PSME4: variants seen among roughly 807,000 people sequenced by gnomAD.
The protein encoded by PSME4 is proteasome activator subunit 4.
A neutral mutation model predicts 253.9 loss-of-function variants in PSME4; 89 were observed. The ratio of observed to expected loss-of-function variants is 0.35; its 90% CI spans 0.30 to 0.42. The LOEUF is 0.42. Ranked by LOEUF, PSME4 falls within the 10% of genes least tolerant of loss-of-function variation. The pLI, the probability that PSME4 is intolerant of heterozygous loss-of-function variation, is 1.00. For missense variants in PSME4, 2,014 were observed against 2,195.2 expected, an observed-to-expected ratio of 0.92 and a Z score of 1.65; for synonymous variants, 851 against 759.2, an observed-to-expected ratio of 1.12 and a Z score of -1.99.
rs139790391 is a variant in PSME4 at position 53,898,057 on chromosome 2, A to G, written c.3477-58T>C. 9.6e-5 allele frequency: 148 copies of G among 1,546,948 alleles called. 1 individual carries two copies. Among genetic ancestry groups the G allele is most frequent in the Middle Eastern group, 5.2e-4 (3 of 5,804 alleles). ...CACATAAAACCACTTGGAAAAAAAA[A>G]ACTGTATGTGAAACACCTTATAATT... On this transcript the variant is annotated intron_variant, in intron 30 of 46. Transcript: ENST00000404125.
At chr2:53,969,659 C>A (rs958768916) in intron 1 of PSME4, among the ~76,000 whole-genome samples, 3 of 126,978 alleles carry the variant, frequency 2.4e-5, no homozygotes, top group African/African-American at 9.6e-5. Context: ...GTAAATGTAA[C>A]CTTTTTTCCC....
At chr2:53,948,944 C>A (rs1282474244) in intron 2 of PSME4, among the ~76,000 whole-genome samples, 199 bp downstream of exon 2, 1 of 152,100 alleles carries the variant, frequency 6.6e-6, no homozygotes, top group Non-Finnish European at 1.5e-5. Context: ...AGAGAAGAGA[C>A]CATGTCATGG....
chr2:53,926,040 T>A lies in PSME4; in HGVS notation c.1594-17A>T. The A allele has an allele frequency of 6.3e-7, 1 of 1,598,148 alleles. No homozygotes were observed. Among genetic ancestry groups the A allele is most frequent in the Non-Finnish European group, 8.6e-7 (1 of 1,166,208 alleles). On this transcript the variant is annotated splice_polypyrimidine_tract_variant and intron_variant, in intron 12 of 46. Coordinates refer to ENST00000404125, the MANE Select transcript of PSME4 (RefSeq NM_014614.3). ...TCGTTCCACCTATAATATCCCAATATGGAGAAAGATTACATATAGCCTTTG... is the reference window on the plus strand; with the variant it reads ...TCGTTCCACCTATAATATCCCAATAAGGAGAAAGATTACATATAGCCTTTG...
In PSME4 at chr2:53,926,033, C is replaced by T. The variant is rs905765799; in HGVS notation, c.1594-10G>A. 2.5e-6 allele frequency: 4 copies of T among 1,605,580 alleles called. No homozygotes were observed. In the African/African-American group the frequency reaches 4.0e-5, roughly 16 times the overall value. On this transcript the variant is annotated splice_polypyrimidine_tract_variant and intron_variant, in intron 12 of 46. Transcript: ENST00000404125. ...AAAGTTCTCGTTCCACCTATAATAT[C>T]CCAATATGGAGAAAGATTACATATA... is the stretch of plus-strand genomic sequence containing the variant.
At chr2:53,966,341 C>A (rs545437315) in intron 1 of PSME4, among the ~76,000 whole-genome samples, 16 of 151,964 alleles carry the variant, frequency 1.1e-4, no homozygotes, top group Non-Finnish European at 2.4e-4. Flanking sequence ...GTTTGAAAAA[C>A]CACTAATAAT....
chr2:53,892,771 T>C (rs1679969117), intron 36 of PSME4, 37 bp downstream of exon 36: 19 of 1,571,608 alleles, frequency 1.2e-5, no homozygotes, highest in Non-Finnish European at 1.6e-5. Flanking sequence ...AACATAGCTT[T>C]AACAGGAAAT....
chr2:53,890,943 C>T (rs990144267), intron 36 of PSME4, among the ~76,000 whole-genome samples: 3 of 152,150 alleles, frequency 2.0e-5, no homozygotes, highest in African/African-American at 7.2e-5. Flanking sequence ...AGGAGAATTG[C>T]TTGAACCTGG....
intron 31 of PSME4, among the ~76,000 whole-genome samples, chr2:53,897,171 T>TG (rs1281884740): frequency 1.3e-5 from 2 of 150,408 alleles, no homozygotes; most frequent in East Asian, 1.9e-4. Flanking sequence ...CTCAGGGTTT[T>TG]TTTTTTTTTT....
At position 53,932,765 on chromosome 2, in the gene PSME4, C is replaced by T. The variant is rs369820641; in HGVS notation, c.958-5G>A. 38 of 1,609,522 alleles carry T rather than the reference C, an allele frequency of 2.4e-5. No individual in the cohort carries two copies. In the African/African-American group the frequency reaches 2.4e-4, roughly 10 times the overall value. The stretch of plus-strand genomic sequence containing the variant: ...CACTAGCTTACTTGGTCCACCCTGT[C>T]CAGATAAAAGAGTAAAAATGTCAGT... On this transcript the variant is annotated splice_polypyrimidine_tract_variant and splice_region_variant and intron_variant, in intron 8 of 46. Transcript: ENST00000404125.
At chr2:53,889,424 T>G (rs1441381388) in intron 37 of PSME4, among the ~76,000 whole-genome samples, 2 of 151,990 alleles carry the variant, frequency 1.3e-5, no homozygotes, top group Non-Finnish European at 2.9e-5. Context: ...TAGGGAATAA[T>G]GACAAGAAAA....
chr2:53,932,965 G>A, intron 8 of PSME4: 1 of 505,632 alleles, frequency 2.0e-6, no homozygotes, highest in South Asian at 3.3e-5. Flanking sequence ...CTGCAAATAA[G>A]GGCAGCTTAC....
intron 43 of PSME4, chr2:53,871,109 C>T (rs1353528747): frequency 1.3e-5 from 2 of 152,208 alleles, no homozygotes; most frequent in African/African-American, 4.8e-5. Flanking sequence ...CACTGCTTTT[C>T]ATCACTACAC....
At chr2:53,926,875 G>C (rs1668579146) in intron 12 of PSME4, among the ~76,000 whole-genome samples, 2 of 151,112 alleles carry the variant, frequency 1.3e-5, no homozygotes. Context: ...TCGGGAGGCT[G>C]AGGCAGGAGA....
chr2:53,934,532 C>T (rs1573324826), intron 8 of PSME4, 73 bp downstream of exon 8: 1 of 1,474,508 alleles, frequency 6.8e-7, no homozygotes, highest in Non-Finnish European at 9.2e-7. Context: ...ACTTCTGCGA[C>T]TATCCACAAT....
chr2:53,893,742 T>C lies in PSME4; in HGVS notation c.3970A>G (p.Thr1324Ala), dbSNP rs778948550. The change falls in exon 35 of 47, where the codon ACT becomes GCT. Residue 1324 changes from threonine (T) to alanine (A), a missense_variant. Transcript: ENST00000404125. ...SDPKFVEQLI[T>A]FLSLEDRKGK... is the part of the protein sequence containing the mutation. Reference sequence around the variant, plus strand: ...TTTCTGTCTTCTAATGATAGAAAAGTAATTAACTGCTCAACAAATTTAGGA... The same window carrying C: ...TTTCTGTCTTCTAATGATAGAAAAGCAATTAACTGCTCAACAAATTTAGGA... 39 of 1,611,340 alleles carry C rather than the reference T, an allele frequency of 2.4e-5. No individual in the cohort carries two copies. Among genetic ancestry groups the C allele is most frequent in the Admixed American group, 1.5e-4 (9 of 59,816 alleles).
intron 20 of PSME4, 28 bp from the exon 21 acceptor site, chr2:53,910,158 T>G (rs1667764456): frequency 1.3e-6 from 2 of 1,551,168 alleles, no homozygotes; most frequent in Admixed American, 1.7e-5. Context: ...TGCTTGCATT[T>G]ATTAATAATA....
intron 8 of PSME4, among the ~76,000 whole-genome samples, chr2:53,934,353 G>A (rs1457363356): frequency 6.6e-6 from 1 of 152,196 alleles, no homozygotes. Context: ...CAGTAAAAAT[G>A]TTAGACATCG....
intron 23 of PSME4, 25 bp downstream of exon 23, chr2:53,908,485 T>A: frequency 6.2e-7 from 1 of 1,609,684 alleles, no homozygotes; most frequent in Non-Finnish European, 8.5e-7. Flanking sequence ...TTAATCATTA[T>A]GCAACTATCA....
chr2:53,874,219 CA>C, intron 43 of PSME4, 119 bp downstream of exon 43: 1 of 1,019,354 alleles, frequency 9.8e-7, no homozygotes, highest in Non-Finnish European at 1.4e-6. Flanking sequence ...CTTCGTCTCT[CA>C]AAGAGTTGAG....
Sources: allele counts gnomAD v4.1 joint callset (sites outside exome capture counted in the v4.1 genomes callset), GRCh38; gene constraint gnomAD v4.1.1; transcripts MANE v1.5; gene names NCBI Gene and HGNC (gene_info 2026-07-23, HGNC 2026-07-21).